Variants in SORCS1 observed in about 807,000 individuals in gnomAD.
SORCS1 encodes the protein sortilin related VPS10 domain containing receptor 1.
A neutral mutation model predicts 146.1 loss-of-function variants in SORCS1; 60 were observed. That is an observed-to-expected ratio of 0.41 (90% CI 0.33 to 0.51). The LOEUF (loss-of-function observed/expected upper bound fraction) is 0.51, where lower values mean the gene tolerates loss of function less well. Ranked by LOEUF, SORCS1 falls within the 20% of genes least tolerant of loss-of-function variation. The probability of loss-of-function intolerance (pLI) is 0.21; values close to 1 mark genes in which losing one functional copy is unlikely to be tolerated. For missense variants in SORCS1, 1,352 were observed against 1,487.6 expected (o/e 0.91, Z 1.50); for synonymous variants, 637 against 584.0 (o/e 1.09, Z -1.31).
In SORCS1 at chr10:106,804,895, T is replaced by C. The variant is rs561935213; in HGVS notation, c.726+24679A>G. Among the ~76,000 whole-genome samples the C allele has an allele frequency of 3.3e-5, 5 of 152,332 alleles. No individual in the cohort carries two copies. In the East Asian group the frequency reaches 9.6e-4, roughly 29 times the overall value. On this transcript the variant is annotated intron_variant, in intron 3 of 25. Transcript: ENST00000263054. The stretch of plus-strand genomic sequence containing the variant: ...ATATAAGCGCACTAAGAAAATGGTA[T>C]TCATTTATATTTACTTTTGCAAACT...
At chr10:106,920,547 C>T (rs984608581) in intron 2 of SORCS1, among the ~76,000 whole-genome samples, 2 of 152,200 alleles carry the variant, frequency 1.3e-5, no homozygotes, top group African/African-American at 2.4e-5. Flanking sequence ...CCCTGAATTC[C>T]CCCACCCTTT....
chr10:106,658,634 TAGAG>T (rs1316929299), intron 17 of SORCS1, among the ~76,000 whole-genome samples: 4 of 152,194 alleles, frequency 2.6e-5, no homozygotes, highest in African/African-American at 9.6e-5. Context: ...TAATTCTTGA[TAGAG>T]TATGTGGCTA....
chr10:106,606,856 C>T lies in SORCS1; in HGVS notation c.3165+310G>A, dbSNP rs144998663. On this transcript the variant is annotated intron_variant, in intron 23 of 25. Transcript: ENST00000263054. ...TTCCCTGCTTCACTCTACACTTCTC[C>T]TTGCTGCCACCATGTGAAGAAGGAC... 2.0e-5 allele frequency among the ~76,000 whole-genome samples: 3 copies of T among 152,306 alleles called. No homozygotes were observed. The East Asian group carries it at 5.8e-4, about 29-fold the overall frequency.
chr10:106,800,513 CTTTTTTTTTTTTTTT>C (rs763659103), intron 3 of SORCS1, among the ~76,000 whole-genome samples: 2 of 89,072 alleles, frequency 2.2e-5, no homozygotes, highest in Admixed American at 2.5e-4. Context: ...CTAGGTGAAT[CTTTTTTTTTTTTTTT>C]TTTTTTTTTT....
chr10:106,989,694 T>TG (rs1210437397), intron 1 of SORCS1, among the ~76,000 whole-genome samples: 1 of 130,234 alleles, frequency 7.7e-6, no homozygotes, highest in African/African-American at 2.8e-5. Context: ...TTTTTTTTTT[T>TG]TTTTTTTTCT....
intron 1 of SORCS1, among the ~76,000 whole-genome samples, chr10:107,097,951 C>A (rs979899864): frequency 6.6e-6 from 1 of 152,120 alleles, no homozygotes; most frequent in Non-Finnish European, 1.5e-5. Context: ...GAAAAAAATG[C>A]CCATTTTATG....
intron 1 of SORCS1, among the ~76,000 whole-genome samples, chr10:107,121,447 T>C (rs1196477522): frequency 1.3e-5 from 2 of 152,170 alleles, no homozygotes; most frequent in Non-Finnish European, 2.9e-5. Context: ...ATTCATACAA[T>C]GACATCTTTG....
chr10:107,109,889 T>C (rs1965576322), intron 1 of SORCS1, among the ~76,000 whole-genome samples: 1 of 152,212 alleles, frequency 6.6e-6, no homozygotes, highest in African/African-American at 2.4e-5. Context: ...ATATCTTGAA[T>C]ACTTTGCTGC....
At chr10:107,104,458 C>G (rs1390023840) in intron 1 of SORCS1, among the ~76,000 whole-genome samples, 1 of 152,172 alleles carries the variant, frequency 6.6e-6, no homozygotes, top group African/African-American at 2.4e-5. Context: ...AATACTTCAG[C>G]CTCATGGCAG....
Position 106,948,160 on chromosome 10 carries a change from G to A in SORCS1, c.626+8353C>T, listed in dbSNP as rs376959474. ...AAATGAAAAAGTAGACCTATGGTAT[G>A]TATATATCTGTTGACACTTTTTAGT... On this transcript the variant is annotated intron_variant, in intron 2 of 25. Transcript: ENST00000263054. Among the ~76,000 whole-genome samples, 158 of 151,874 alleles carry A rather than the reference G, an allele frequency of 1.0e-3. 1 individual carries two copies. Among genetic ancestry groups the A allele is most frequent in the African/African-American group, 3.4e-3 (139 of 41,436 alleles).
At chr10:106,799,310 C>T (rs542086503) in intron 3 of SORCS1, among the ~76,000 whole-genome samples, 1 of 152,146 alleles carries the variant, frequency 6.6e-6, no homozygotes, top group African/African-American at 2.4e-5. Flanking sequence ...CATTCAGGAC[C>T]TAGGCATGGG....
At chr10:107,154,687 C>G (rs601883) in intron 1 of SORCS1, among the ~76,000 whole-genome samples, 26,930 of 152,040 alleles carry the variant, frequency 0.18, 2,614 homozygotes, top group East Asian at 0.27. Flanking sequence ...AACCTAAATG[C>G]AGAAACAGAA....
At chr10:106,578,568 TAAAA>T in intron 25 of SORCS1, 1 of 647,352 alleles carries the variant, frequency 1.5e-6, no homozygotes, top group Non-Finnish European at 1.9e-6. Flanking sequence ...CCAATAGATG[TAAAA>T]AAAAAAAAAA....
chr10:107,023,223 C>A (rs1958229141), intron 1 of SORCS1, among the ~76,000 whole-genome samples: 1 of 152,140 alleles, frequency 6.6e-6, no homozygotes, highest in Non-Finnish European at 1.5e-5. Context: ...GGACCCAACC[C>A]CAGGGCTTTT....
intron 1 of SORCS1, among the ~76,000 whole-genome samples, chr10:107,039,111 C>T (rs1218293907): frequency 6.6e-6 from 1 of 151,988 alleles, no homozygotes; most frequent in African/African-American, 2.4e-5. Flanking sequence ...GGGTGGATCA[C>T]AAGGTCAGGA....
At chr10:106,945,279 T>C (rs773671308) in intron 2 of SORCS1, among the ~76,000 whole-genome samples, 1 of 152,036 alleles carries the variant, frequency 6.6e-6, no homozygotes, top group Non-Finnish European at 1.5e-5. Flanking sequence ...GATCTGGTCA[T>C]GCTGAAAGAA....
At chr10:106,948,883 C>T (rs970581185) in intron 2 of SORCS1, among the ~76,000 whole-genome samples, 42 of 152,026 alleles carry the variant, frequency 2.8e-4, no homozygotes, top group African/African-American at 9.4e-4. Context: ...ATGGCATGAA[C>T]CTGGGAGGCG....
At chr10:106,893,539 T>C (rs547094264) in intron 2 of SORCS1, among the ~76,000 whole-genome samples, 1 of 152,314 alleles carries the variant, frequency 6.6e-6, no homozygotes, top group South Asian at 2.1e-4. Context: ...AATGATGAAA[T>C]AAATCAATGC....
chr10:107,067,871 A>T (rs1962034324), intron 1 of SORCS1, among the ~76,000 whole-genome samples: 1 of 152,228 alleles, frequency 6.6e-6, no homozygotes, highest in Non-Finnish European at 1.5e-5. Context: ...ATATGCTAGT[A>T]CTCAGAAAGT....
Sources: allele counts gnomAD v4.1 joint callset (sites outside exome capture counted in the v4.1 genomes callset), GRCh38; gene constraint gnomAD v4.1.1; transcripts MANE v1.5; gene names NCBI Gene and HGNC (gene_info 2026-07-23, HGNC 2026-07-21).